Variants in C14orf39 observed in about 807,000 individuals in gnomAD.
C14orf39 encodes the protein protein SIX6OS1.
A neutral mutation model predicts 85.6 loss-of-function variants in C14orf39; 66 were observed. That is an observed-to-expected ratio of 0.77 (90% CI 0.63 to 0.95). C14orf39 has a LOEUF of 0.95. C14orf39 is among the 40% of genes least tolerant of loss of function. The pLI, the probability that C14orf39 is intolerant of heterozygous loss-of-function variation, is 0.00. For synonymous variants in C14orf39, 242 were observed against 214.0 expected, an observed-to-expected ratio of 1.13 and a Z score of -1.14; for missense variants, 735 against 663.9, an observed-to-expected ratio of 1.11 and a Z score of -1.18.
At chr14:60,458,900 A>G (rs908757942) in intron 13 of C14orf39, among the ~76,000 whole-genome samples, 161 bp from the exon 14 acceptor site, 1 of 151,850 alleles carries the variant, frequency 6.6e-6, no homozygotes, top group Admixed American at 6.6e-5. Flanking sequence ...AGAATAAAAC[A>G]TAATATGAAC....
At position 60,467,130 on chromosome 14, in the gene C14orf39, T is replaced by C. The variant is rs1891833320; in HGVS notation, c.768-86A>G. ...CTAGGAGGCATATTTAGATACTATA[T>C]AATAAAACCCCTCGTTTTGCAGATA... On this transcript the variant is annotated intron_variant, in intron 9 of 17. Coordinates refer to ENST00000321731, the MANE Select transcript of C14orf39 (RefSeq NM_174978.3). 4 of 580,304 alleles carry C rather than the reference T, an allele frequency of 6.9e-6. No homozygotes were observed. The Admixed American group carries it at 1.3e-4, about 19-fold the overall frequency. The allele number at this position is 580,304 out of a possible 1,614,324, so 35.9% of individuals were successfully genotyped here.
intron 1 of C14orf39, chr14:60,511,485 G>A: frequency 1.7e-6 from 1 of 604,608 alleles, no homozygotes; most frequent in Non-Finnish European, 2.9e-6. Context: ...CCAGCACCAC[G>A]TTCTTCTTGC....
intron 11 of C14orf39, among the ~76,000 whole-genome samples, chr14:60,463,740 T>C (rs906864674): frequency 3.9e-5 from 6 of 152,202 alleles, no homozygotes; most frequent in Middle Eastern, 3.4e-3. Flanking sequence ...TAAGTGAAAA[T>C]AGCACTTTTT....
intron 11 of C14orf39, among the ~76,000 whole-genome samples, chr14:60,463,337 C>A (rs1277569402): frequency 2.0e-5 from 3 of 152,032 alleles, no homozygotes; most frequent in East Asian, 3.9e-4. Flanking sequence ...ATTGTGGATA[C>A]CAATCTTTTG....
At position 60,510,168 on chromosome 14, in the gene C14orf39, T is replaced by TC. The variant is rs1468551434; in HGVS notation, c.-144+5226dup. Among the ~76,000 whole-genome samples the TC allele has an allele frequency of 2.0e-5, 3 of 152,068 alleles. No individual in the cohort carries two copies. The South Asian group carries it at 6.2e-4, about 32-fold the overall frequency. ...CGGCTCTGCTTCCCCACCCGCTGGCTCCCCACGCCTGCGGGCAGCTGCAGC... is the reference window on the plus strand; with the variant it reads ...CGGCTCTGCTTCCCCACCCGCTGGCTCCCCCACGCCTGCGGGCAGCTGCAGC... On this transcript the variant is annotated intron_variant, in intron 1 of 5. Transcript: ENST00000556799.
chr14:60,478,485 G>A (rs11158285), intron 4 of C14orf39, 96 bp from the exon 5 acceptor site: 380,326 of 578,520 alleles, frequency 0.66, 128,764 homozygotes, highest in Admixed American at 0.72. Context: ...AAAGAGAAAC[G>A]AATCTTTCTC....
intron 17 of C14orf39, among the ~76,000 whole-genome samples, chr14:60,437,653 T>C (rs980699130): frequency 4.6e-5 from 7 of 152,006 alleles, no homozygotes; most frequent in Admixed American, 2.6e-4. Flanking sequence ...AATAAAAGTC[T>C]ATTGTCCAGT....
intron 17 of C14orf39, among the ~76,000 whole-genome samples, chr14:60,440,891 T>A (rs983129315): frequency 6.6e-6 from 1 of 152,120 alleles, no homozygotes; most frequent in Non-Finnish European, 1.5e-5. Flanking sequence ...CCCAGTAGCT[T>A]GTATATGCAC....
chr14:60,490,136 T>A (rs942512004), upstream of C14orf39, among the ~76,000 whole-genome samples: 1 of 152,160 alleles, frequency 6.6e-6, no homozygotes, highest in African/African-American at 2.4e-5. Flanking sequence ...AATCTCAGAT[T>A]CAGTCCTAGG....
Position 60,501,668 on chromosome 14 carries a change from T to A in C14orf39, c.-143-2238A>T, listed in dbSNP as rs184569220. On this transcript the variant is annotated intron_variant, in intron 1 of 5. Coordinates refer to the C14orf39 transcript ENST00000556799. ...GGCATTTGGGGAATTTCATGTAAGC[T>A]ATCTATTGACTTCTTTAGACTAATT... 4.7e-4 allele frequency among the ~76,000 whole-genome samples: 71 copies of A among 152,350 alleles called. 1 individual carries two copies. The Middle Eastern group carries it at 0.02, about 44-fold the overall frequency.
intron 13 of C14orf39, among the ~76,000 whole-genome samples, chr14:60,459,623 A>T (rs1428379682): frequency 2.0e-5 from 3 of 151,762 alleles, no homozygotes; most frequent in Non-Finnish European, 3.0e-5. Context: ...GAGAATTCCT[A>T]TTGTCCTACA....
At chr14:60,495,134 A>C (rs1483342259) in intron 2 of C14orf39, 1 of 224,692 alleles carries the variant, frequency 4.5e-6, no homozygotes, top group East Asian at 1.2e-4. Flanking sequence ...TAGATCTTAC[A>C]TTGGAACAGT....
Position 60,461,579 on chromosome 14 carries a change from A to T in C14orf39, c.987T>A (p.Ser329=). ...KENDTQIFND[S]AVDNHSKCSH... ...AACATTTTGAATGGTTATCCACAGC[A>T]GAGTCATTAAATATCTGAAAGAAAG... Residue 329 remains serine, a synonymous_variant, in exon 12 of 18, where the codon TCT becomes TCA. Transcript: ENST00000321731. 1 of 1,559,104 alleles carries T rather than the reference A, an allele frequency of 6.4e-7. No homozygotes were observed. Among genetic ancestry groups the T allele is most frequent in the Non-Finnish European group, 8.6e-7 (1 of 1,157,754 alleles).
chr14:60,497,692 A>G (rs1345292305), intron 2 of C14orf39, among the ~76,000 whole-genome samples: 1 of 152,142 alleles, frequency 6.6e-6, no homozygotes, highest in African/African-American at 2.4e-5. Flanking sequence ...CCTAGCCCAC[A>G]TGGTGAAACC....
intron 1 of C14orf39, among the ~76,000 whole-genome samples, chr14:60,506,365 A>C (rs1893203140): frequency 6.6e-6 from 1 of 152,232 alleles, no homozygotes; most frequent in South Asian, 2.1e-4. Context: ...CCCTTCTGTA[A>C]AATTAAGAAA....
upstream of C14orf39, among the ~76,000 whole-genome samples, chr14:60,488,647 C>T (rs1892939994): frequency 6.6e-6 from 1 of 152,080 alleles, no homozygotes; most frequent in African/African-American, 2.4e-5. Context: ...CCTTTTCTTC[C>T]TTTTATTGCT....
Position 60,436,971 on chromosome 14 carries a change from A to G in C14orf39, c.1638T>C (p.Phe546=). 1 of 1,613,154 alleles carries G rather than the reference A, an allele frequency of 6.2e-7. No individual in the cohort carries two copies. The highest frequency in any genetic ancestry group is 8.5e-7 in the Non-Finnish European group (1 of 1,179,392). The part of the protein sequence containing the change: ...SFPSDTSTHT[F]GAGKDDFSFP... The stretch of plus-strand genomic sequence containing the variant: ...AACTAAAATCATCTTTTCCAGCTCC[A>G]AATGTATGAGTTGAAGTGTCTGATG... The change falls in exon 18 of 18, where the codon TTT becomes TTC. Residue 546 remains phenylalanine, a synonymous_variant. Transcript: ENST00000321731.
At position 60,466,827 on chromosome 14, in the gene C14orf39, C is replaced by T. The variant is rs889953057; in HGVS notation, c.895+90G>A. The T allele has an allele frequency of 4.7e-6, 5 of 1,054,130 alleles. No individual in the cohort carries two copies. In the South Asian group the frequency reaches 7.6e-5, roughly 16 times the overall value. 65.3% of individuals were successfully genotyped at this position (1,054,130 alleles called of 1,614,324 possible). A position where few individuals can be genotyped will look rare whatever the true frequency, so the allele number is the denominator to read the frequency against. On this transcript the variant is annotated intron_variant, in intron 10 of 17. Transcript: ENST00000321731. ...AGGTCTCCAGTATTGTTTTTACTTA[C>T]ACCAAATGATAAATAAAATTGCTTC...
intron 1 of C14orf39, among the ~76,000 whole-genome samples, chr14:60,502,052 T>C (rs1031017825): frequency 8.5e-5 from 13 of 152,226 alleles, no homozygotes; most frequent in African/African-American, 3.1e-4. Context: ...CCTAAAATAT[T>C]GGAAGTCCTT....
Sources: gnomAD v4.1 joint callset for allele counts (sites outside exome capture counted in the v4.1 genomes callset) on GRCh38, gnomAD v4.1.1 for gene constraint, MANE v1.5 for transcripts, NCBI Gene and HGNC (gene_info 2026-07-23, HGNC 2026-07-21) for gene names.